Variants in KSR2 observed in about 807,000 individuals in gnomAD.
The protein encoded by KSR2 is kinase suppressor of ras 2.
In KSR2, 25 loss-of-function variants were observed where a neutral mutation model predicts 107.8. The observed-to-expected ratio is 0.23, with a 90% CI of 0.17 to 0.32. The LOEUF (loss-of-function observed/expected upper bound fraction) is 0.32, where lower values mean the gene tolerates loss of function less well. Ranked by LOEUF, KSR2 falls within the 10% of genes least tolerant of loss-of-function variation. The pLI is 1.00. For missense variants in KSR2, 887 were observed against 1,268.9 expected (o/e 0.70, Z 4.57); for synonymous variants, 480 against 507.0 (o/e 0.95, Z 0.71).
intron 4 of KSR2, 138 bp downstream of exon 4, chr12:117,760,873 A>G: frequency 9.1e-7 from 1 of 1,099,160 alleles, no homozygotes; most frequent in Non-Finnish European, 1.3e-6. Context: ...CTCTGTGAAA[A>G]GCCATTTTTC....
intron 3 of KSR2, among the ~76,000 whole-genome samples, chr12:117,847,232 C>A (rs928076456): frequency 6.6e-6 from 1 of 152,230 alleles, no homozygotes; most frequent in Non-Finnish European, 1.5e-5. Context: ...GCAATCAAGA[C>A]CCACTCTTAG....
rs1566121088 is a variant in KSR2 at position 117,471,184 on chromosome 12, G to C, written c.2712+7C>G. 4 of 1,613,684 alleles carry C rather than the reference G, an allele frequency of 2.5e-6. No individual in the cohort carries two copies. Among genetic ancestry groups the C allele is most frequent in the Non-Finnish European group, 3.4e-6 (4 of 1,179,740 alleles). On this transcript the variant is annotated splice_region_variant and intron_variant, in intron 18 of 19. Transcript: ENST00000339824. ...TCCCCCAAGTCTGGACCTATCTTGG[G>C]ACTTACCGAGATTTCTTTTCCCATG...
chr12:117,761,658 C>T (rs1889029457), intron 3 of KSR2, 134 bp from the exon 4 acceptor site: 1 of 816,120 alleles, frequency 1.2e-6, no homozygotes, highest in Non-Finnish European at 2.0e-6. Flanking sequence ...ACACTATATA[C>T]CTGTTACATC....
chr12:117,762,752 A>G (rs142927149), intron 3 of KSR2, among the ~76,000 whole-genome samples: 25,478 of 151,940 alleles, frequency 0.17, 2,467 homozygotes, highest in East Asian at 0.33. Context: ...CTGTAATCCC[A>G]GCTACTCAGA....
At chr12:117,667,968 C>T (rs1275345828) in intron 4 of KSR2, among the ~76,000 whole-genome samples, 3 of 152,298 alleles carry the variant, frequency 2.0e-5, no homozygotes, top group Non-Finnish European at 4.4e-5. Context: ...ACTCCAATCC[C>T]GCAACTTTTG....
intron 5 of KSR2, among the ~76,000 whole-genome samples, chr12:117,664,605 AT>A (rs1193638767): frequency 6.6e-6 from 1 of 152,126 alleles, no homozygotes; most frequent in East Asian, 1.9e-4. Context: ...TTCTAATTGC[AT>A]CAAAAGATTT....
intron 4 of KSR2, among the ~76,000 whole-genome samples, chr12:117,751,396 T>G (rs2136826777): frequency 6.6e-6 from 1 of 152,338 alleles, no homozygotes; most frequent in South Asian, 2.1e-4. Flanking sequence ...TCTTTTCCTC[T>G]TCTGCATGAG....
chr12:117,963,312 C>T (rs1896709968), intron 1 of KSR2, among the ~76,000 whole-genome samples: 1 of 152,198 alleles, frequency 6.6e-6, no homozygotes. Context: ...AAACTCTTTA[C>T]TATCTGTCCC....
intron 4 of KSR2, among the ~76,000 whole-genome samples, chr12:117,709,223 C>A (rs573903850): frequency 4.9e-4 from 75 of 152,268 alleles, no homozygotes; most frequent in African/African-American, 1.8e-3. Context: ...TATTTCTCTT[C>A]CACTGGTGTT....
intron 3 of KSR2, among the ~76,000 whole-genome samples, chr12:117,763,036 C>G (rs558920550): frequency 4.8e-4 from 73 of 152,156 alleles, no homozygotes; most frequent in African/African-American, 1.3e-3. Context: ...GCTATCCCTC[C>G]CCTCTCCCCC....
chr12:117,473,597 T>C (rs1871607181), intron 17 of KSR2, among the ~76,000 whole-genome samples: 1 of 152,208 alleles, frequency 6.6e-6, no homozygotes, highest in Admixed American at 6.5e-5. Flanking sequence ...GAAGGAGGCA[T>C]AAACAGACTC....
intron 12 of KSR2, among the ~76,000 whole-genome samples, chr12:117,529,808 A>G (rs1467101329): frequency 6.6e-6 from 1 of 151,726 alleles, no homozygotes; most frequent in Non-Finnish European, 1.5e-5. Context: ...TTTGAGACCC[A>G]CCTAGGCAAC....
intron 4 of KSR2, among the ~76,000 whole-genome samples, chr12:117,733,777 T>C (rs1038242165): frequency 2.0e-4 from 30 of 152,094 alleles, no homozygotes; most frequent in Non-Finnish European, 3.8e-4. Context: ...GTCTTTCTCT[T>C]CTAGACTCTG....
chr12:117,818,351 TTTGTGTGGCCTAGGGCACG>T (rs996511793), intron 3 of KSR2, among the ~76,000 whole-genome samples: 3 of 151,984 alleles, frequency 2.0e-5, no homozygotes, highest in African/African-American at 7.2e-5. Flanking sequence ...ACTCTGAGGG[TTTGTGTGGCCTAGGGCACG>T]TTGTGTGCCC....
chr12:117,474,472 T>G (rs1871653750), intron 17 of KSR2, among the ~76,000 whole-genome samples: 1 of 151,994 alleles, frequency 6.6e-6, no homozygotes, highest in Non-Finnish European at 1.5e-5. Context: ...AGGAAGACTG[T>G]CTCTGTAACA....
At chr12:117,712,857 C>A (rs965796998) in intron 4 of KSR2, among the ~76,000 whole-genome samples, 5 of 151,834 alleles carry the variant, frequency 3.3e-5, no homozygotes, top group African/African-American at 1.2e-4. Context: ...ATAGATATAT[C>A]TAGATAGACA....
At chr12:117,927,715 C>A (rs1468702144) in intron 1 of KSR2, among the ~76,000 whole-genome samples, 1 of 151,894 alleles carries the variant, frequency 6.6e-6, no homozygotes, top group African/African-American at 2.4e-5. Flanking sequence ...AAAAAAGGAA[C>A]CAGGCCTTTC....
At chr12:117,691,936 C>A (rs769309556) in intron 4 of KSR2, among the ~76,000 whole-genome samples, 3 of 152,118 alleles carry the variant, frequency 2.0e-5, no homozygotes, top group Non-Finnish European at 4.4e-5. Flanking sequence ...AATTGAGGCA[C>A]AGATAATGGA....
intron 4 of KSR2, among the ~76,000 whole-genome samples, chr12:117,694,278 T>C (rs961394367): frequency 2.0e-5 from 3 of 152,144 alleles, no homozygotes; most frequent in Non-Finnish European, 4.4e-5. Context: ...ATGGGGGACG[T>C]TTCCTCCATA....
Sources: allele counts gnomAD v4.1 joint callset (sites outside exome capture counted in the v4.1 genomes callset), GRCh38; gene constraint gnomAD v4.1.1; transcripts MANE v1.5; gene names NCBI Gene and HGNC (gene_info 2026-07-23, HGNC 2026-07-21).